Variants in LRRC7 observed in about 807,000 individuals in gnomAD.
LRRC7 encodes the protein leucine-rich repeat-containing protein 7.
A neutral mutation model predicts 175.7 loss-of-function variants in LRRC7; 23 were observed. The observed-to-expected ratio is 0.13, with a 90% CI of 0.09 to 0.19. The LOEUF is 0.19. Ranked by LOEUF, LRRC7 falls within the 10% of genes least tolerant of loss-of-function variation. The pLI, the probability that LRRC7 is intolerant of heterozygous loss-of-function variation, is 1.00. For missense variants in LRRC7, 1,354 were observed against 1,904.7 expected, an observed-to-expected ratio of 0.71 and a Z score of 5.38; for synonymous variants, 685 against 680.9, an observed-to-expected ratio of 1.01 and a Z score of -0.09.
At chr1:69,894,520 C>T (rs1490459931) in intron 7 of LRRC7, among the ~76,000 whole-genome samples, 2 of 152,144 alleles carry the variant, frequency 1.3e-5, no homozygotes, top group African/African-American at 2.4e-5. Flanking sequence ...TATTGAAGTA[C>T]AATTGCCATC....
chr1:69,610,395 G>A (rs1188338291), intron 1 of LRRC7, among the ~76,000 whole-genome samples: 1 of 151,980 alleles, frequency 6.6e-6, no homozygotes, highest in African/African-American at 2.4e-5. Flanking sequence ...ACCATTTTCA[G>A]TGAGACAAGA....
intron 1 of LRRC7, among the ~76,000 whole-genome samples, chr1:69,578,245 C>T (rs1244294286): frequency 2.7e-5 from 4 of 150,850 alleles, no homozygotes; most frequent in East Asian, 3.9e-4. Context: ...CAATGAGATA[C>T]CATCTCACAC....
chr1:70,011,765 A>G (rs747027162), intron 11 of LRRC7, 32 bp from the exon 12 acceptor site: 2 of 1,471,048 alleles, frequency 1.4e-6, no homozygotes, highest in African/African-American at 1.4e-5. Context: ...TCTAACTTTT[A>G]AAATGTCTAA....
chr1:69,653,218 T>C (rs1007514004), intron 1 of LRRC7, among the ~76,000 whole-genome samples: 2 of 152,038 alleles, frequency 1.3e-5, no homozygotes, highest in Admixed American at 1.3e-4. Context: ...ATTCAAAATA[T>C]ACAGAAACTG....
At chr1:69,989,275 T>G (rs1410915882) in intron 10 of LRRC7, among the ~76,000 whole-genome samples, 1 of 152,174 alleles carries the variant, frequency 6.6e-6, no homozygotes, top group African/African-American at 2.4e-5. Flanking sequence ...GAATAAATGA[T>G]AAGTATTTAA....
In LRRC7 at chr1:70,127,619, C is replaced by G; in HGVS notation, c.*5732C>G. Reference sequence around the variant, plus strand: ...TCTGAGCTCATGCTCTTTGTAACAACACACTGAGCACTAAGCAATGTAAGA... The same window carrying G: ...TCTGAGCTCATGCTCTTTGTAACAAGACACTGAGCACTAAGCAATGTAAGA... On this transcript the variant is annotated 3_prime_UTR_variant, in exon 27 of 27. Transcript: ENST00000651989. Among the ~76,000 whole-genome samples the G allele has an allele frequency of 6.6e-6, 1 of 152,154 alleles. No homozygotes were observed. The highest frequency in any genetic ancestry group is 1.9e-4 in the East Asian group (1 of 5,192).
intron 1 of LRRC7, among the ~76,000 whole-genome samples, chr1:69,660,159 T>C (rs538368519): frequency 1.3e-5 from 2 of 152,052 alleles, no homozygotes; most frequent in Non-Finnish European, 2.9e-5. Flanking sequence ...TCTGCAACTA[T>C]ATTATCAGAT....
rs189663489 is a variant in LRRC7, at chr1:69,905,406, G to C, written c.648-26101G>C. Among the ~76,000 whole-genome samples the C allele has an allele frequency of 7.7e-3, 1,173 of 151,592 alleles. 15 individuals are homozygous for C. Among genetic ancestry groups the C allele is most frequent in the African/African-American group, 0.026 (1,071 of 41,208 alleles). On this transcript the variant is annotated intron_variant, in intron 7 of 26. Transcript: ENST00000651989. Reference sequence around the variant, plus strand: ...ATATCTCCTAATGCTATCCCTCCCCGCTCCCACCACCCCACAACAGTCCCC... The same window carrying C: ...ATATCTCCTAATGCTATCCCTCCCCCCTCCCACCACCCCACAACAGTCCCC...
chr1:70,079,111 G>A (rs1663028373), intron 24 of LRRC7, among the ~76,000 whole-genome samples: 1 of 152,154 alleles, frequency 6.6e-6, no homozygotes, highest in Non-Finnish European at 1.5e-5. Context: ...ATAAGTGTAT[G>A]TGGCTGTGTG....
intron 7 of LRRC7, among the ~76,000 whole-genome samples, chr1:69,898,748 A>G (rs982857202): frequency 2.0e-5 from 3 of 151,986 alleles, no homozygotes; most frequent in African/African-American, 7.3e-5. Flanking sequence ...TCTGTGGAGG[A>G]TAAGAAGCAT....
intron 11 of LRRC7, 110 bp downstream of exon 11, chr1:69,994,743 T>G (rs567367017): frequency 1.5e-6 from 1 of 649,840 alleles, no homozygotes; most frequent in African/African-American, 1.8e-5. Context: ...ATAATCCTGT[T>G]CATCTGTCAG....
At chr1:69,690,098 A>C (rs1316566607) in intron 2 of LRRC7, among the ~76,000 whole-genome samples, 2 of 152,156 alleles carry the variant, frequency 1.3e-5, no homozygotes, top group East Asian at 3.8e-4. Flanking sequence ...TCTTCTATGG[A>C]AGGTCCATAG....
chr1:70,056,290 C>T (rs560653931), intron 23 of LRRC7, among the ~76,000 whole-genome samples: 1 of 152,178 alleles, frequency 6.6e-6, no homozygotes, highest in Admixed American at 6.5e-5. Context: ...ATGTACAGTA[C>T]ATAGGAAGAA....
At chr1:69,998,487 G>A (rs1202998443) in intron 11 of LRRC7, among the ~76,000 whole-genome samples, 1 of 151,996 alleles carries the variant, frequency 6.6e-6, no homozygotes, top group African/African-American at 2.4e-5. Context: ...ATTTTCTCCA[G>A]TATAGAGCAA....
intron 2 of LRRC7, among the ~76,000 whole-genome samples, chr1:69,736,071 A>AT (rs1473156220): frequency 5.3e-5 from 8 of 152,136 alleles, no homozygotes. Context: ...GCATTGTTCC[A>AT]TTTTTTAATA....
At chr1:70,105,957 TAGA>T (rs1665115709) in intron 25 of LRRC7, among the ~76,000 whole-genome samples, 1 of 152,080 alleles carries the variant, frequency 6.6e-6, no homozygotes, top group East Asian at 1.9e-4. Context: ...AAAACACAAG[TAGA>T]AGTATTTTAG....
chr1:70,096,836 A>G (rs1202216334), intron 25 of LRRC7, among the ~76,000 whole-genome samples: 4 of 152,206 alleles, frequency 2.6e-5, no homozygotes, highest in Admixed American at 2.6e-4. Flanking sequence ...TTTCTGGGCC[A>G]TAAAATGAGA....
At chr1:69,671,465 AGAG>A (rs1659066998) in intron 1 of LRRC7, among the ~76,000 whole-genome samples, 1 of 152,168 alleles carries the variant, frequency 6.6e-6, no homozygotes, top group African/African-American at 2.4e-5. Flanking sequence ...GCCTGGGGTT[AGAG>A]GAGAAGTGGC....
intron 17 of LRRC7, among the ~76,000 whole-genome samples, chr1:70,023,701 T>A (rs1254808292): frequency 1.3e-5 from 2 of 152,068 alleles, no homozygotes; most frequent in African/African-American, 4.8e-5. Flanking sequence ...ATGACACTAT[T>A]GATACATTCT....
Sources: gnomAD v4.1 joint callset for allele counts (sites outside exome capture counted in the v4.1 genomes callset) on GRCh38, gnomAD v4.1.1 for gene constraint, MANE v1.5 for transcripts, NCBI Gene and HGNC (gene_info 2026-07-23, HGNC 2026-07-21) for gene names.